Variants in COLQ observed in about 807,000 individuals in gnomAD.
COLQ encodes acetylcholinesterase collagenic tail peptide.
A neutral mutation model predicts 69.0 loss-of-function variants in COLQ; 48 were observed. The observed-to-expected ratio is 0.70, with a 90% CI of 0.55 to 0.88. The LOEUF is 0.88. Ranked by LOEUF, COLQ falls within the 40% of genes least tolerant of loss-of-function variation. The pLI, the probability that COLQ is intolerant of heterozygous loss-of-function variation, is 0.00. For synonymous variants in COLQ, 217 were observed against 211.2 expected (o/e 1.03, Z -0.24); for missense variants, 618 against 594.6 (o/e 1.04, Z -0.41).
intron 12 of COLQ, among the ~76,000 whole-genome samples, chr3:15,461,923 T>C (rs1224146089): frequency 1.3e-5 from 2 of 151,808 alleles, no homozygotes; most frequent in African/African-American, 4.8e-5. Flanking sequence ...CTGTCAAAGG[T>C]AGTGTCAGGA....
chr3:15,513,527 C>T (rs1472294850), intron 1 of COLQ, among the ~76,000 whole-genome samples: 1 of 152,158 alleles, frequency 6.6e-6, no homozygotes, highest in African/African-American at 2.4e-5. Flanking sequence ...CTCCCTAAGG[C>T]CCCCAGTAGA....
chr3:15,468,447 C>A (rs3773452), intron 11 of COLQ, among the ~76,000 whole-genome samples: 75,127 of 150,738 alleles, frequency 0.5, 19,324 homozygotes, highest in East Asian at 0.62. Context: ...ACTCCTGCCT[C>A]AGTTTCCCAA....
intron 1 of COLQ, chr3:15,496,448 C>T (rs943222598): frequency 6.4e-6 from 1 of 155,466 alleles, no homozygotes; most frequent in Non-Finnish European, 1.5e-5. Context: ...TTGGTGTCAT[C>T]CGAGTGGCCT....
In COLQ at chr3:15,461,608, G is replaced by A. The variant is rs1441807319; in HGVS notation, c.815-3283C>T. On this transcript the variant is annotated intron_variant, in intron 12 of 16. Transcript: ENST00000383788. ...AAAGGGGAATCTAGGAGAGGGCAGA[G>A]GAACCAGCACAACAACCTCTAGGGC... 2.0e-5 allele frequency among the ~76,000 whole-genome samples: 3 copies of A among 152,304 alleles called. No homozygotes were observed. In the South Asian group the frequency reaches 6.2e-4, roughly 32 times the overall value.
intron 12 of COLQ, among the ~76,000 whole-genome samples, chr3:15,465,118 G>C (rs2125101097): frequency 6.6e-6 from 1 of 152,052 alleles, no homozygotes; most frequent in Non-Finnish European, 1.5e-5. Flanking sequence ...AGGTTGCAGT[G>C]AGCCAAGATC....
intron 12 of COLQ, among the ~76,000 whole-genome samples, chr3:15,464,145 A>T (rs529452074): frequency 6.6e-6 from 1 of 151,744 alleles, no homozygotes; most frequent in South Asian, 2.1e-4. Flanking sequence ...AGGAGGGGTC[A>T]GGGATGGAAG....
At chr3:15,462,782 C>A (rs2062140721) in intron 12 of COLQ, among the ~76,000 whole-genome samples, 1 of 152,188 alleles carries the variant, frequency 6.6e-6, no homozygotes, top group African/African-American at 2.4e-5. Flanking sequence ...CCAAGGAAGG[C>A]CTTACTGAAA....
At chr3:15,515,873 C>A (rs534576152) in intron 1 of COLQ, among the ~76,000 whole-genome samples, 1 of 152,174 alleles carries the variant, frequency 6.6e-6, no homozygotes, top group African/African-American at 2.4e-5. Flanking sequence ...GGTGTCTCAT[C>A]GAAGCCAGAG....
Position 15,451,528 on chromosome 3 carries a change from CT to C in COLQ, c.*115del. The C allele has an allele frequency of 1.0e-6, 1 of 978,432 alleles. No homozygotes were observed. The highest frequency in any genetic ancestry group is 1.7e-6 in the Non-Finnish European group (1 of 600,060). 60.6% of individuals were successfully genotyped at this position (978,432 alleles called of 1,614,324 possible). ...CATGTCTTAGTAGCAGGAATTTGTC[CT>C]TGTTTTTGTCACACAAAGGTTGGTG... On this transcript the variant is annotated 3_prime_UTR_variant, in exon 17 of 17. Transcript: ENST00000383788.
At chr3:15,489,772 G>T in intron 1 of COLQ, 135 bp from the exon 2 acceptor site, 1 of 737,380 alleles carries the variant, frequency 1.4e-6, no homozygotes, top group Non-Finnish European at 2.4e-6. Context: ...ATGTGGATAG[G>T]CCTCCTGTTG....
intron 15 of COLQ, 30 bp from the exon 16 acceptor site, chr3:15,453,961 A>G: frequency 6.6e-7 from 1 of 1,505,554 alleles, no homozygotes; most frequent in South Asian, 1.2e-5. Context: ...TGCAGTCTTG[A>G]GAAGGAGCAG....
chr3:15,480,690 T>A (rs1033504466), intron 3 of COLQ, among the ~76,000 whole-genome samples: 3 of 152,250 alleles, frequency 2.0e-5, no homozygotes, highest in Admixed American at 6.5e-5. Context: ...CCTTTGGGTA[T>A]ATACCCAGTA....
chr3:15,470,859 A>G lies in COLQ; in HGVS notation c.637-243T>C, dbSNP rs11921826. On this transcript the variant is annotated intron_variant, in intron 10 of 16. Coordinates refer to ENST00000383788, the MANE Select transcript of COLQ (RefSeq NM_005677.4). The stretch of plus-strand genomic sequence containing the variant: ...GTGGGTTATCTGTTACCTGAGAGGG[A>G]CAGGTGTGGAGCAGCACACATTTTG... 0.028 allele frequency among the ~76,000 whole-genome samples: 4,340 copies of G among 152,304 alleles called. 189 individuals are homozygous for G. The highest frequency in any genetic ancestry group is 0.097 in the African/African-American group (4,025 of 41,552).
chr3:15,502,308 G>T (rs1481190664), intron 1 of COLQ, among the ~76,000 whole-genome samples: 4 of 151,948 alleles, frequency 2.6e-5, no homozygotes, highest in African/African-American at 9.7e-5. Context: ...GTAGAGATGG[G>T]GTTTCACTGT....
intron 12 of COLQ, among the ~76,000 whole-genome samples, chr3:15,464,771 A>G (rs2062171840): frequency 6.6e-6 from 1 of 152,232 alleles, no homozygotes; most frequent in Non-Finnish European, 1.5e-5. Context: ...CAGTCAACAA[A>G]TGATCTTCTT....
chr3:15,461,225 C>T (rs955118151), intron 12 of COLQ, among the ~76,000 whole-genome samples: 2 of 150,342 alleles, frequency 1.3e-5, no homozygotes, highest in African/African-American at 4.9e-5. Flanking sequence ...TACCCTCTAA[C>T]TCAGATAAGT....
chr3:15,465,194 C>T (rs2125101244), intron 12 of COLQ, among the ~76,000 whole-genome samples: 1 of 151,364 alleles, frequency 6.6e-6, no homozygotes, highest in South Asian at 2.1e-4. Context: ...TACAAGGAAG[C>T]AGTGTATCTA....
intron 1 of COLQ, among the ~76,000 whole-genome samples, chr3:15,492,299 C>T (rs1238566032): frequency 6.6e-6 from 1 of 152,158 alleles, no homozygotes; most frequent in Non-Finnish European, 1.5e-5. Context: ...AAATTCCCGA[C>T]TAGATAAAGC....
chr3:15,510,550 A>G (rs118076532), intron 1 of COLQ, among the ~76,000 whole-genome samples: 1 of 151,860 alleles, frequency 6.6e-6, no homozygotes, highest in South Asian at 2.1e-4. Context: ...TCTACAAAAA[A>G]TACAAAACTT....
Sources: gnomAD v4.1 joint callset for allele counts (sites outside exome capture counted in the v4.1 genomes callset) on GRCh38, gnomAD v4.1.1 for gene constraint, MANE v1.5 for transcripts, NCBI Gene and HGNC (gene_info 2026-07-23, HGNC 2026-07-21) for gene names.